Variants in SGCA observed in about 807,000 individuals in gnomAD.
SGCA encodes the protein sarcoglycan alpha, also known as alpha-sarcoglycan.
SGCA carries 34 observed loss-of-function variants against 38.1 expected under a neutral mutation model. The observed-to-expected ratio is 0.89, with a 90% CI of 0.68 to 1.19. SGCA has a LOEUF of 1.19. Ranked by LOEUF, SGCA falls within the 50% of genes most tolerant of loss-of-function variation. The pLI, the probability that SGCA is intolerant of heterozygous loss-of-function variation, is 0.00. For synonymous variants in SGCA, 209 were observed against 214.6 expected (o/e 0.97, Z 0.23); for missense variants, 476 against 524.9 (o/e 0.91, Z 0.91).
intron 8 of SGCA, among the ~76,000 whole-genome samples, chr17:50,173,286 G>A (rs1905614913): frequency 1.3e-5 from 2 of 152,170 alleles, no homozygotes; most frequent in Admixed American, 1.3e-4. Flanking sequence ...GATTTCAGCG[G>A]TCACAGAGTC....
chr17:50,175,616 C>A, intron 9 of SGCA, 96 bp from the exon 10 acceptor site: 1 of 713,232 alleles, frequency 1.4e-6, no homozygotes. Flanking sequence ...AGGGCTATGA[C>A]CCCAATGCCA....
Position 50,169,258 on chromosome 17 carries a change from A to T in SGCA, c.747+4A>T. 1 of 1,608,892 alleles carries T rather than the reference A, an allele frequency of 6.2e-7. No homozygotes were observed. Among genetic ancestry groups the T allele is most frequent in the Non-Finnish European group, 8.5e-7 (1 of 1,175,914 alleles). ...TGACTGGTGCAATGTGACCCTGGTG[A>T]GGAGGGACCCTGGGTCCGGGGGTGG... On this transcript the variant is annotated splice_donor_region_variant and intron_variant, in intron 6 of 9. Transcript: ENST00000262018.
At chr17:50,169,558 C>T (rs375616845) in intron 6 of SGCA, 1 of 452,166 alleles carries the variant, frequency 2.2e-6, no homozygotes. Flanking sequence ...ATATCACAGT[C>T]CAGTTCCCAA....
intron 6 of SGCA, 191 bp downstream of exon 6, chr17:50,169,445 A>ACACACACACAC: frequency 3.5e-6 from 2 of 574,608 alleles, no homozygotes; most frequent in East Asian, 2.9e-5. Flanking sequence ...ACACACACAC[A>ACACACACACAC]CCCCTGAAGT....
Position 50,166,096 on chromosome 17 carries a change from C to T in SGCA, c.37+19C>T. On this transcript the variant is annotated intron_variant, in intron 1 of 9. Transcript: ENST00000262018. ...CTCGTGGGCAAGTTGGGGCCTTGTT[C>T]AGCGGGGAGGCCCAGGATGAGGGGG... 1 of 1,607,048 alleles carries T rather than the reference C, an allele frequency of 6.2e-7. No individual in the cohort carries two copies. The highest frequency in any genetic ancestry group is 8.5e-7 in the Non-Finnish European group (1 of 1,173,586).
rs1567738869 is a variant in SGCA, at chr17:50,167,441, G to A, written c.111G>A (p.Val37=). The change falls in exon 2 of 10, where the codon GTG becomes GTA. Residue 37 remains valine (V), a synonymous_variant. Transcript: ENST00000262018. This position sits in a 1 kb window ranked among gnomAD's most constrained non-coding sequence, Gnocchi z 4.5. ...ACCCACTTGTGGGCCGTGTCTTTGT[G>A]CACACCTTGGACCATGAGACGTTTC... The part of the protein sequence containing the change: ...TLHPLVGRVF[V]HTLDHETFLS... 2 of 1,614,180 alleles carry A rather than the reference G, an allele frequency of 1.2e-6. No homozygotes were observed. The highest frequency in any genetic ancestry group is 1.7e-6 in the Non-Finnish European group (2 of 1,180,032).
chr17:50,167,971 T>C lies in SGCA; in HGVS notation c.337T>C (p.Phe113Leu), dbSNP rs1181815250. The C allele has an allele frequency of 6.2e-7, 1 of 1,614,168 alleles. No homozygotes were observed. The highest frequency in any genetic ancestry group is 8.5e-7 in the Non-Finnish European group (1 of 1,180,018). Residue 113 changes from phenylalanine (F) to leucine (L), a missense_variant, in exon 4 of 10, where the codon TTT (phenylalanine) becomes CTT (leucine). Phe to Leu is a conservative substitution (Grantham distance 22, BLOSUM62 0). Transcript: ENST00000262018. The surrounding 1 kb of genome is among the most constrained non-coding windows in gnomAD (Gnocchi z 4.5). ...GGTCACAGCCTACAATCGGGACAGC[T>C]TTGATACCACTCGGCAGAGGCTGGT... ...IEVTAYNRDS[F>L]DTTRQRLVLE...
intron 4 of SGCA, 28 bp from the exon 5 acceptor site, chr17:50,168,346 G>C: frequency 6.5e-7 from 1 of 1,548,782 alleles, no homozygotes; most frequent in Non-Finnish European, 8.7e-7. Flanking sequence ...GCTGGGTGCA[G>C]CCTGAGGTGT....
intron 8 of SGCA, chr17:50,172,225 C>T (rs1216471961): frequency 2.2e-6 from 1 of 457,038 alleles, no homozygotes; most frequent in Non-Finnish European, 4.4e-6. Context: ...CGGCTGGCCT[C>T]CACAGACTTG....
rs146924667 is a variant in SGCA, at chr17:50,175,349, C to A, written c.1076C>A (p.Thr359Asn). The A allele has an allele frequency of 6.7e-5, 108 of 1,612,356 alleles. 1 individual carries two copies. The highest frequency in any genetic ancestry group is 1.6e-4 in the Middle Eastern group (1 of 6,082). The change falls in exon 9 of 10, where the codon ACC becomes AAC. Residue 359 changes from threonine (T) to asparagine (N), a missense_variant. By Grantham distance (65) the Thr-to-Asn change is moderately conservative (BLOSUM62 0). Transcript: ENST00000262018. ...ASREVPRPLS[T>N]LPMFNVHTGE... ...CGCGAGGTGCCCCGGCCACTCTCCA[C>A]CCTGCCCATGTTCAATGTGCACACA...
chr17:50,168,970 T>G, intron 5 of SGCA, 122 bp from the exon 6 acceptor site: 1 of 888,648 alleles, frequency 1.1e-6, no homozygotes, highest in South Asian at 1.3e-5. Flanking sequence ...CTCTTAGGCG[T>G]CTCCCTCATC....
chr17:50,170,066 C>A, intron 6 of SGCA, 77 bp from the exon 7 acceptor site: 1 of 1,270,742 alleles, frequency 7.9e-7, no homozygotes, highest in Non-Finnish European at 1.1e-6. Context: ...CCTCCTAGTC[C>A]TGGCCCCTGC....
intron 8 of SGCA, chr17:50,171,972 AGT>A: frequency 2.2e-6 from 1 of 456,536 alleles, no homozygotes; most frequent in Non-Finnish European, 4.4e-6. Flanking sequence ...CACCCATGGC[AGT>A]ATTTGAGTTC....
Position 50,175,832 on chromosome 17 carries a change from G to C in SGCA, c.*133G>C. Reference sequence around the variant, plus strand: ...AACCCAGGCTCTAAACAAGCAGGGAGAGGGGGTGGGGTGGGGTGAGAGTGT... The same window carrying C: ...AACCCAGGCTCTAAACAAGCAGGGACAGGGGGTGGGGTGGGGTGAGAGTGT... On this transcript the variant is annotated 3_prime_UTR_variant, in exon 10 of 10. Transcript: ENST00000262018. 1 of 480,098 alleles carries C rather than the reference G, an allele frequency of 2.1e-6. No homozygotes were observed. The highest frequency in any genetic ancestry group is 1.5e-5 in the South Asian group (1 of 64,778). 29.7% of individuals were successfully genotyped at this position (480,098 alleles called of 1,614,324 possible).
Position 50,175,862 on chromosome 17 carries a change from A to G in SGCA, c.*163A>G, listed in dbSNP as rs761255036. ...GGTGGGGTGGGGTGAGAGTGTGTGG[A>G]GTAAGGACATTCAGAATAAATATCT... On this transcript the variant is annotated 3_prime_UTR_variant, in exon 10 of 10. Coordinates refer to ENST00000262018, the MANE Select transcript of SGCA (RefSeq NM_000023.4). 2.1e-6 allele frequency: 1 copy of G among 467,554 alleles called. No homozygotes were observed. Among genetic ancestry groups the G allele is most frequent in the South Asian group, 1.5e-5 (1 of 64,658 alleles). 29.0% of individuals were successfully genotyped at this position (467,554 alleles called of 1,614,324 possible).
In SGCA at chr17:50,168,525, G is replaced by T. The variant is rs1428067224; in HGVS notation, c.537G>T (p.Leu179Phe). 1.9e-6 allele frequency: 3 copies of T among 1,577,736 alleles called. No individual in the cohort carries two copies. Among genetic ancestry groups the T allele is most frequent in the South Asian group, 1.2e-5 (1 of 86,094 alleles). The change falls in exon 5 of 10, where the codon TTG becomes TTT. Residue 179 changes from leucine (L) to phenylalanine (F), a missense_variant. Leu to Phe is a conservative substitution (Grantham distance 22). Coordinates refer to ENST00000262018, the MANE Select transcript of SGCA (RefSeq NM_000023.4). ...AGCTGCTCAACGTCACCTCTGCCTT[G>T]GACCGTGGGGGCCGTGTCCCCCTTC... Reference protein sequence around the residue: ...ELQLLNVTSALDRGGRVPLPI... With the variant: ...ELQLLNVTSAFDRGGRVPLPI...
intron 8 of SGCA, among the ~76,000 whole-genome samples, chr17:50,170,916 TA>T (rs1262269952): frequency 1.3e-5 from 2 of 152,092 alleles, no homozygotes; most frequent in Admixed American, 1.3e-4. Context: ...ATTTTTTAAC[TA>T]GCCAGGCGTG....
chr17:50,168,687 C>T, intron 5 of SGCA, 115 bp downstream of exon 5: 4 of 891,382 alleles, frequency 4.5e-6, no homozygotes, highest in Non-Finnish European at 5.4e-6. Context: ...ATCTCCACCT[C>T]CCAGCTTCAC....
At position 50,175,343 on chromosome 17, in the gene SGCA, T is replaced by G; in HGVS notation, c.1070T>G (p.Leu357Arg). The change falls in exon 9 of 10, where the codon CTC becomes CGC. Residue 357 changes from leucine (L) to arginine (R), a missense_variant. Leu to Arg is a moderately radical substitution (Grantham distance 102). Coordinates refer to ENST00000262018, the MANE Select transcript of SGCA (RefSeq NM_000023.4). Reference sequence around the variant, plus strand: ...GCCAGCCGCGAGGTGCCCCGGCCACTCTCCACCCTGCCCATGTTCAATGTG... The same window carrying G: ...GCCAGCCGCGAGGTGCCCCGGCCACGCTCCACCCTGCCCATGTTCAATGTG... ...MAASREVPRP[L>R]STLPMFNVHT... is the part of the protein sequence containing the mutation. 2.5e-6 allele frequency: 4 copies of G among 1,612,146 alleles called. No individual in the cohort carries two copies. The highest frequency in any genetic ancestry group is 3.4e-6 in the Non-Finnish European group (4 of 1,179,762).
Sources: gnomAD v4.1 joint callset for allele counts (sites outside exome capture counted in the v4.1 genomes callset) on GRCh38, gnomAD v4.1.1 for gene constraint, Gnocchi (gnomAD v3.1) non-coding constraint, MANE v1.5 for transcripts, NCBI Gene and HGNC (gene_info 2026-07-23, HGNC 2026-07-21) for gene names.